PTPRD: variants seen among roughly 807,000 people sequenced by gnomAD.
PTPRD encodes the protein receptor-type tyrosine-protein phosphatase delta.
In PTPRD, 34 loss-of-function variants were observed where a neutral mutation model predicts 214.5. The observed-to-expected ratio is 0.16, with a 90% CI of 0.12 to 0.21. The LOEUF (loss-of-function observed/expected upper bound fraction) is 0.21, where lower values mean the gene tolerates loss of function less well. PTPRD is among the 10% of genes least tolerant of loss of function. The pLI, the probability that PTPRD is intolerant of heterozygous loss-of-function variation, is 1.00. For synonymous variants in PTPRD, 1,128 were observed against 845.7 expected (o/e 1.33, Z -5.79); for missense variants, 2,545 against 2,398.7 (o/e 1.06, Z -1.27).
chr9:10,511,969 T>TGTGTATATATATATATAC (rs2048310060), intron 2 of PTPRD, among the ~76,000 whole-genome samples: 2 of 51,690 alleles, frequency 3.9e-5, no homozygotes, highest in African/African-American at 5.5e-5. Flanking sequence ...TATATATACG[T>TGTGTATATATATATATAC]GTGTGTGTAT....
intron 5 of PTPRD, among the ~76,000 whole-genome samples, chr9:9,820,365 T>C (rs1373922719): frequency 1.3e-5 from 2 of 152,190 alleles, no homozygotes; most frequent in Admixed American, 1.3e-4. Flanking sequence ...TTTCAGTTCC[T>C]TGTAGATTGT....
chr9:9,796,037 C>T (rs116613459), intron 5 of PTPRD, among the ~76,000 whole-genome samples: 183 of 151,980 alleles, frequency 1.2e-3, no homozygotes, highest in African/African-American at 4.3e-3. Flanking sequence ...AAAGATTCTT[C>T]TAAATTTTAA....
At chr9:8,953,328 C>T (rs1468549064) in intron 11 of PTPRD, among the ~76,000 whole-genome samples, 1 of 151,892 alleles carries the variant, frequency 6.6e-6, no homozygotes, top group Non-Finnish European at 1.5e-5. Flanking sequence ...GAAACTGGAT[C>T]TCTACCTATC....
intron 43 of PTPRD, among the ~76,000 whole-genome samples, chr9:8,332,586 G>C (rs1477532491): frequency 6.6e-6 from 1 of 152,132 alleles, no homozygotes; most frequent in African/African-American, 2.4e-5. Flanking sequence ...TTTTTAGAGT[G>C]ATTAGGTAAA....
intron 14 of PTPRD, among the ~76,000 whole-genome samples, chr9:8,612,565 T>G (rs1399389764): frequency 6.6e-6 from 1 of 152,166 alleles, no homozygotes. Flanking sequence ...TACATGGGAA[T>G]GCATTGGTCA....
intron 14 of PTPRD, among the ~76,000 whole-genome samples, chr9:8,540,775 C>T (rs2078201100): frequency 6.6e-6 from 1 of 152,094 alleles, no homozygotes; most frequent in South Asian, 2.1e-4. Flanking sequence ...TTGTTACCCT[C>T]TAGTCTTTAA....
intron 7 of PTPRD, among the ~76,000 whole-genome samples, chr9:9,626,267 T>A (rs755727797): frequency 1.9e-4 from 29 of 152,238 alleles, no homozygotes; most frequent in Non-Finnish European, 3.5e-4. Context: ...AGTGCTTTAG[T>A]GTGAGTAGGG....
At chr9:8,996,557 G>C (rs1178619263) in intron 11 of PTPRD, among the ~76,000 whole-genome samples, 1 of 151,952 alleles carries the variant, frequency 6.6e-6, no homozygotes, top group East Asian at 1.9e-4. Context: ...ATCTCAGACT[G>C]GGTAGTTTAT....
chr9:9,131,000 C>T (rs1243075784), intron 10 of PTPRD, among the ~76,000 whole-genome samples: 1 of 151,698 alleles, frequency 6.6e-6, no homozygotes, highest in Non-Finnish European at 1.5e-5. Context: ...TTTTTCTTTT[C>T]TAATACAAGA....
chr9:8,595,362 TA>T (rs1172578970), intron 14 of PTPRD, among the ~76,000 whole-genome samples: 1 of 152,074 alleles, frequency 6.6e-6, no homozygotes, highest in Admixed American at 6.5e-5. Flanking sequence ...AATCAAAGCT[TA>T]TTTGAACCAT....
At chr9:10,426,257 CTAAGTT>C (rs2098614626) in intron 2 of PTPRD, among the ~76,000 whole-genome samples, 1 of 152,018 alleles carries the variant, frequency 6.6e-6, no homozygotes, top group East Asian at 1.9e-4. Flanking sequence ...AAATTAAACC[CTAAGTT>C]TAAGTTAATC....
At chr9:9,962,115 C>A (rs1296552312) in intron 4 of PTPRD, among the ~76,000 whole-genome samples, 1 of 151,972 alleles carries the variant, frequency 6.6e-6, no homozygotes, top group Non-Finnish European at 1.5e-5. Context: ...ACAGCAGAAC[C>A]AAATTTTTAA....
At chr9:9,911,699 G>C (rs1317352519) in intron 5 of PTPRD, among the ~76,000 whole-genome samples, 1 of 151,932 alleles carries the variant, frequency 6.6e-6, no homozygotes, top group East Asian at 1.9e-4. Flanking sequence ...CCAAGTAACT[G>C]GGCTAAATAA....
At chr9:8,790,725 T>G (rs1427099690) in intron 11 of PTPRD, among the ~76,000 whole-genome samples, 1 of 151,870 alleles carries the variant, frequency 6.6e-6, no homozygotes, top group East Asian at 1.9e-4. Flanking sequence ...AATATTACAT[T>G]AGATACATAC....
chr9:10,396,188 T>C (rs928510342), intron 2 of PTPRD, among the ~76,000 whole-genome samples: 1 of 151,952 alleles, frequency 6.6e-6, no homozygotes, highest in Non-Finnish European at 1.5e-5. Context: ...TACTTACAAA[T>C]GATAATTTTA....
intron 7 of PTPRD, among the ~76,000 whole-genome samples, chr9:9,657,244 T>C (rs1303801224): frequency 1.3e-5 from 2 of 152,070 alleles, no homozygotes; most frequent in Non-Finnish European, 2.9e-5. Context: ...TATCTATGGT[T>C]TCAAGATACA....
intron 4 of PTPRD, among the ~76,000 whole-genome samples, chr9:9,995,643 A>G (rs1445977397): frequency 6.6e-6 from 1 of 152,058 alleles, no homozygotes; most frequent in Non-Finnish European, 1.5e-5. Context: ...TTTTGCTCTT[A>G]GGCCTTAGAA....
chr9:9,493,787 CAAAA>C (rs750252052), intron 8 of PTPRD, among the ~76,000 whole-genome samples: 15 of 54,460 alleles, frequency 2.8e-4, no homozygotes, highest in African/African-American at 7.8e-4. Context: ...GACTCCGTCT[CAAAA>C]AAAAAAAAAA....
intron 4 of PTPRD, among the ~76,000 whole-genome samples, chr9:9,939,575 T>A (rs2090797608): frequency 6.6e-6 from 1 of 152,186 alleles, no homozygotes; most frequent in Admixed American, 6.5e-5. Flanking sequence ...TTGATCTAAC[T>A]GCCAGAGTAC....
Sources: gnomAD v4.1 joint callset for allele counts (sites outside exome capture counted in the v4.1 genomes callset) on GRCh38, gnomAD v4.1.1 for gene constraint, MANE v1.5 for transcripts, NCBI Gene and HGNC (gene_info 2026-07-23, HGNC 2026-07-21) for gene names.